The following XPO7 variants were observed in gnomAD, a reference collection of about 807,000 sequenced individuals.
XPO7 encodes exportin 7.
A neutral mutation model predicts 144.3 loss-of-function variants in XPO7; 21 were observed. The observed-to-expected ratio is 0.15, with a 90% CI of 0.10 to 0.21. XPO7 has a LOEUF of 0.21. Ranked by LOEUF, XPO7 falls within the 10% of genes least tolerant of loss-of-function variation. The pLI, the probability that XPO7 is intolerant of heterozygous loss-of-function variation, is 1.00. For synonymous variants in XPO7, 580 were observed against 499.6 expected, an observed-to-expected ratio of 1.16 and a Z score of -2.15; for missense variants, 808 against 1,325.8, an observed-to-expected ratio of 0.61 and a Z score of 6.06.
chr8:21,972,253 G>A (rs554427112), intron 5 of XPO7, among the ~76,000 whole-genome samples: 73 of 151,928 alleles, frequency 4.8e-4, no homozygotes, highest in Middle Eastern at 3.4e-3. Context: ...CGAGGCAGGC[G>A]GATCACCTGA....
intron 1 of XPO7, among the ~76,000 whole-genome samples, chr8:21,935,614 T>A (rs1245663751): frequency 2.0e-5 from 3 of 152,224 alleles, no homozygotes; most frequent in Admixed American, 1.3e-4. Flanking sequence ...AAGACGAATT[T>A]GTTTTATTAG....
At chr8:21,966,758 TTTACTGA>T in intron 1 of XPO7, 92 bp from the exon 2 acceptor site, 1 of 1,477,194 alleles carries the variant, frequency 6.8e-7, no homozygotes, top group Admixed American at 2.3e-5. Flanking sequence ...CAATTCTTTC[TTTACTGA>T]TTATTATTTA....
chr8:21,991,115 C>G (rs558398100), intron 18 of XPO7, among the ~76,000 whole-genome samples, 196 bp downstream of exon 18: 2 of 152,318 alleles, frequency 1.3e-5, no homozygotes, highest in African/African-American at 4.8e-5. Flanking sequence ...GAGTAACAGT[C>G]TGCTCCTGAA....
chr8:21,937,263 A>T (rs1810851747), intron 1 of XPO7, among the ~76,000 whole-genome samples: 1 of 152,222 alleles, frequency 6.6e-6, no homozygotes, highest in African/African-American at 2.4e-5. Flanking sequence ...GATGTGTTAA[A>T]TGTATTTCCA....
At chr8:21,948,467 G>A (rs546578207) in intron 1 of XPO7, among the ~76,000 whole-genome samples, 24 of 152,216 alleles carry the variant, frequency 1.6e-4, no homozygotes, top group African/African-American at 5.8e-4. Flanking sequence ...ATTTGTGTAA[G>A]TACACTCTGA....
rs1408052564 is a variant in XPO7 at position 21,982,752 on chromosome 8, C to A, written c.1217C>A (p.Thr406Asn). 1 of 1,613,932 alleles carries A rather than the reference C, an allele frequency of 6.2e-7. No individual in the cohort carries two copies. Among genetic ancestry groups the A allele is most frequent in the Non-Finnish European group, 8.5e-7 (1 of 1,179,858 alleles). The change falls in exon 11 of 28, where the codon ACT becomes AAT. Residue 406 changes from threonine (T) to asparagine (N), a missense_variant. Transcript: ENST00000252512. ...ATEPHMLETY[T>N]PEVTKAYITS... ...GAGCCCCACATGCTGGAAACTTACA[C>A]TCCTGAGGTCACCAAAGCCTACATC...
chr8:21,935,520 T>G (rs1810793649), intron 1 of XPO7, among the ~76,000 whole-genome samples: 1 of 152,192 alleles, frequency 6.6e-6, no homozygotes, highest in South Asian at 2.1e-4. Flanking sequence ...TAAATACAGA[T>G]AGTCTTAACT....
intron 1 of XPO7, among the ~76,000 whole-genome samples, chr8:21,921,904 G>T (rs999377648): frequency 4.7e-4 from 71 of 152,210 alleles, no homozygotes; most frequent in African/African-American, 1.6e-3. Flanking sequence ...AATAGTATTG[G>T]GCACTCACAG....
chr8:21,926,129 C>G (rs1212329693), intron 1 of XPO7, among the ~76,000 whole-genome samples: 1 of 152,008 alleles, frequency 6.6e-6, no homozygotes, highest in Non-Finnish European at 1.5e-5. Context: ...TTAAACCTCT[C>G]TTAGAAAAAC....
intron 1 of XPO7, among the ~76,000 whole-genome samples, chr8:21,920,360 G>C (rs1267369855): frequency 6.6e-6 from 1 of 151,340 alleles, no homozygotes; most frequent in Non-Finnish European, 1.5e-5. Flanking sequence ...ACTCCAAATC[G>C]TACAGCCCGG....
intron 1 of XPO7, among the ~76,000 whole-genome samples, chr8:21,955,058 C>A (rs1378553909): frequency 6.6e-6 from 1 of 152,190 alleles, no homozygotes; most frequent in East Asian, 1.9e-4. Context: ...AGTTTATTTA[C>A]ATACATGGTT....
At chr8:21,933,039 A>G (rs1810704732) in intron 1 of XPO7, among the ~76,000 whole-genome samples, 4 of 151,770 alleles carry the variant, frequency 2.6e-5, no homozygotes, top group South Asian at 4.2e-4. Context: ...GATTATAGGC[A>G]TATATCACAT....
intron 1 of XPO7, among the ~76,000 whole-genome samples, chr8:21,945,781 T>C (rs1468156570): frequency 6.6e-6 from 1 of 152,246 alleles, no homozygotes; most frequent in Non-Finnish European, 1.5e-5. Context: ...CCTCTTTAAA[T>C]TTGAATAAGC....
At chr8:21,997,621 G>T (rs1812996049) in intron 21 of XPO7, among the ~76,000 whole-genome samples, 1 of 152,170 alleles carries the variant, frequency 6.6e-6, no homozygotes, top group Non-Finnish European at 1.5e-5. Flanking sequence ...ATCATCTAGT[G>T]CCTTCGCACA....
At chr8:21,994,564 T>A in intron 20 of XPO7, 113 bp downstream of exon 20, 1 of 994,418 alleles carries the variant, frequency 1.0e-6, no homozygotes. Context: ...GCAGAGAAGA[T>A]GAAGAGTTAG....
intron 21 of XPO7, among the ~76,000 whole-genome samples, chr8:21,995,998 G>A (rs1376844596): frequency 6.6e-6 from 1 of 151,090 alleles, no homozygotes; most frequent in African/African-American, 2.4e-5. Flanking sequence ...TGTATTTTTA[G>A]TAGAGACAGG....
chr8:21,943,344 TTAAA>T (rs770638345), intron 1 of XPO7, among the ~76,000 whole-genome samples: 1 of 152,218 alleles, frequency 6.6e-6, no homozygotes, highest in Non-Finnish European at 1.5e-5. Flanking sequence ...GTGTCATGAA[TTAAA>T]TAAAATATTT....
chr8:21,937,167 G>A (rs560519695), intron 1 of XPO7, among the ~76,000 whole-genome samples: 20 of 152,274 alleles, frequency 1.3e-4, no homozygotes, highest in African/African-American at 3.9e-4. Context: ...AGATTAACGA[G>A]TAATTTATAT....
chr8:21,947,936 AC>A (rs1441065104), intron 1 of XPO7, among the ~76,000 whole-genome samples: 1 of 152,186 alleles, frequency 6.6e-6, no homozygotes, highest in Admixed American at 6.5e-5. Flanking sequence ...ATAGGATAAA[AC>A]TACAAAAAAT....
Sources: allele counts gnomAD v4.1 joint callset (sites outside exome capture counted in the v4.1 genomes callset), GRCh38; gene constraint gnomAD v4.1.1; transcripts MANE v1.5; gene names NCBI Gene and HGNC (gene_info 2026-07-23, HGNC 2026-07-21).